MAPK10: variants seen among roughly 807,000 people sequenced by gnomAD.
MAPK10 encodes the protein mitogen-activated protein kinase 10.
A neutral mutation model predicts 59.3 loss-of-function variants in MAPK10; 25 were observed. That is an observed-to-expected ratio of 0.42 (90% CI 0.31 to 0.59). MAPK10 has a LOEUF of 0.59. Among genes scored for constraint, MAPK10 ranks in the 20% least tolerant of loss-of-function variants. The pLI is 0.15. For synonymous variants in MAPK10, 190 were observed against 200.5 expected, an observed-to-expected ratio of 0.95 and a Z score of 0.44; for missense variants, 351 against 568.9, an observed-to-expected ratio of 0.62 and a Z score of 3.90.
chr4:86,425,952 CAGAG>C (rs1303765268), intron 1 of MAPK10, among the ~76,000 whole-genome samples: 1 of 152,186 alleles, frequency 6.6e-6, no homozygotes, highest in African/African-American at 2.4e-5. Flanking sequence ...GCCTGGGCGA[CAGAG>C]AGAGACTCTG....
chr4:86,337,418 C>T (rs1722159852), intron 2 of MAPK10, among the ~76,000 whole-genome samples: 1 of 152,190 alleles, frequency 6.6e-6, no homozygotes, highest in Non-Finnish European at 1.5e-5. Context: ...TCTATATCCA[C>T]ATTTATGTGA....
At chr4:86,156,829 C>A (rs1197860066) in intron 4 of MAPK10, among the ~76,000 whole-genome samples, 1 of 151,982 alleles carries the variant, frequency 6.6e-6, no homozygotes, top group African/African-American at 2.4e-5. Flanking sequence ...TCTTCTGGAT[C>A]CTGACCACTG....
At position 86,561,654 on chromosome 4, in the gene MAPK10, T is replaced by C. The variant is rs539479775; in HGVS notation, c.-263+32256A>G. On this transcript the variant is annotated intron_variant, in intron 1 of 4. Transcript: ENST00000502302. Reference sequence around the variant, plus strand: ...ATGAGAAGAGAAGGTGATTGAGTAATAGTCTAATTGTTAAGACTTAATTAC... The same window carrying C: ...ATGAGAAGAGAAGGTGATTGAGTAACAGTCTAATTGTTAAGACTTAATTAC... 4.6e-4 allele frequency among the ~76,000 whole-genome samples: 70 copies of C among 152,352 alleles called. 1 individual carries two copies. The highest frequency in any genetic ancestry group is 1.6e-3 in the African/African-American group (67 of 41,580).
At chr4:86,111,437 T>C (rs1367436751) in intron 4 of MAPK10, among the ~76,000 whole-genome samples, 1 of 152,068 alleles carries the variant, frequency 6.6e-6, no homozygotes, top group Non-Finnish European at 1.5e-5. Context: ...TAACATGAAA[T>C]GATGCTAAAT....
At chr4:86,450,286 A>T (rs923390091) in intron 1 of MAPK10, among the ~76,000 whole-genome samples, 1 of 152,240 alleles carries the variant, frequency 6.6e-6, no homozygotes, top group African/African-American at 2.4e-5. Flanking sequence ...CAGTTTAATT[A>T]TCTCCCTAAA....
intron 1 of MAPK10, among the ~76,000 whole-genome samples, chr4:86,423,760 GATATATATACATATATATATATATAT>G (rs1358935157): frequency 2.6e-5 from 3 of 117,120 alleles, no homozygotes; most frequent in Admixed American, 1.7e-4. Context: ...TAATTAGTGG[GATATATATACATATATATATATATAT>G]ATATATATAT....
At chr4:86,402,634 G>C (rs561439645) in intron 1 of MAPK10, among the ~76,000 whole-genome samples, 1 of 152,092 alleles carries the variant, frequency 6.6e-6, no homozygotes, top group African/African-American at 2.4e-5. Flanking sequence ...ACCCAAGTGA[G>C]AAAAAATAGG....
At chr4:86,146,750 G>T (rs1459496545) in intron 4 of MAPK10, among the ~76,000 whole-genome samples, 6 of 152,180 alleles carry the variant, frequency 3.9e-5, no homozygotes, top group African/African-American at 1.4e-4. Context: ...TAAATGAGAA[G>T]AACACTTCTA....
chr4:86,206,705 C>G (rs1463365867), intron 2 of MAPK10, among the ~76,000 whole-genome samples: 3 of 152,212 alleles, frequency 2.0e-5, no homozygotes, highest in Non-Finnish European at 4.4e-5. Flanking sequence ...TCTCCAGCAC[C>G]TGTCATTTCC....
chr4:86,104,432 T>G (rs1580321825), intron 5 of MAPK10, among the ~76,000 whole-genome samples: 1 of 152,284 alleles, frequency 6.6e-6, no homozygotes, highest in Non-Finnish European at 1.5e-5. Flanking sequence ...TAAAGTGCCA[T>G]GTTATTCTGT....
At chr4:86,501,629 G>T (rs1755338398) in intron 1 of MAPK10, among the ~76,000 whole-genome samples, 1 of 151,654 alleles carries the variant, frequency 6.6e-6, no homozygotes, top group African/African-American at 2.4e-5. Flanking sequence ...TCAAAGAGAA[G>T]TAATAGTCTT....
At chr4:86,261,101 T>C (rs1297529531) in intron 2 of MAPK10, among the ~76,000 whole-genome samples, 1 of 152,172 alleles carries the variant, frequency 6.6e-6, no homozygotes, top group African/African-American at 2.4e-5. Context: ...ACACAGAAAA[T>C]ACAGCATCTT....
chr4:86,508,049 T>C (rs527373651), intron 1 of MAPK10, among the ~76,000 whole-genome samples: 2 of 152,262 alleles, frequency 1.3e-5, no homozygotes, highest in East Asian at 3.9e-4. Context: ...GTAATTCTTC[T>C]CATTTAAAAA....
At chr4:86,312,322 C>T (rs1196367364) in intron 2 of MAPK10, among the ~76,000 whole-genome samples, 2 of 152,034 alleles carry the variant, frequency 1.3e-5, no homozygotes, top group Admixed American at 6.6e-5. Flanking sequence ...ACAGTACATG[C>T]TTTCTTGGAC....
chr4:86,101,065 G>A lies in MAPK10; in HGVS notation c.717C>T (p.Gly239=). ...AAGCATCCCTACCGTTCTCCTTGTA[G>A]CCCATCCCCAGGATGACCTCAGGGG... is the stretch of plus-strand genomic sequence containing the variant. ...YRAPEVILGM[G]YKENVDIWSV... Residue 239 remains glycine (G), a synonymous_variant, in exon 8 of 14, where the codon GGC becomes GGT. Coordinates refer to ENST00000641462, the MANE Select transcript of MAPK10 (RefSeq NM_138982.4). 6.2e-7 allele frequency: 1 copy of A among 1,613,604 alleles called. No homozygotes were observed. Among genetic ancestry groups the A allele is most frequent in the Non-Finnish European group, 8.5e-7 (1 of 1,179,768 alleles).
rs1741503073 is a variant in MAPK10 at position 86,012,091 on chromosome 4, A to G, written c.*5137T>C. The G allele has an allele frequency of 6.6e-6, 1 of 151,802 alleles. No homozygotes were observed. Among genetic ancestry groups the G allele is most frequent in the Admixed American group, 6.5e-5 (1 of 15,272 alleles). 9.4% of individuals were successfully genotyped at this position (151,802 alleles called of 1,614,324 possible). ...TGGGAAATTTAACCCTGCTCTACTT[A>G]CCTAATGCCCCCCCAAAAGATGATC... is the stretch of plus-strand genomic sequence containing the variant. On this transcript the variant is annotated 3_prime_UTR_variant, in exon 14 of 14. Transcript: ENST00000641462.
At chr4:86,580,553 C>T (rs879581262) in intron 1 of MAPK10, among the ~76,000 whole-genome samples, 1 of 152,034 alleles carries the variant, frequency 6.6e-6, no homozygotes, top group Non-Finnish European at 1.5e-5. Flanking sequence ...CTTAATTTTG[C>T]ATCATTTTCT....
intron 2 of MAPK10, among the ~76,000 whole-genome samples, chr4:86,349,214 A>T (rs1729865198): frequency 6.6e-6 from 1 of 152,204 alleles, no homozygotes; most frequent in South Asian, 2.1e-4. Flanking sequence ...TTTAAATAAG[A>T]TTATGGACTC....
At chr4:86,110,680 T>C (rs1480600388) in intron 4 of MAPK10, among the ~76,000 whole-genome samples, 1 of 152,196 alleles carries the variant, frequency 6.6e-6, no homozygotes, top group Non-Finnish European at 1.5e-5. Flanking sequence ...GTCTCCAGCT[T>C]TCTTCTTTTT....
Sources: gnomAD v4.1 joint callset for allele counts (sites outside exome capture counted in the v4.1 genomes callset) on GRCh38, gnomAD v4.1.1 for gene constraint, MANE v1.5 for transcripts, NCBI Gene and HGNC (gene_info 2026-07-23, HGNC 2026-07-21) for gene names.